CPA6: variants seen among roughly 807,000 people sequenced by gnomAD.
CPA6 encodes the protein carboxypeptidase A6.
A neutral mutation model predicts 63.3 loss-of-function variants in CPA6; 58 were observed. The observed-to-expected ratio is 0.92, with a 90% CI of 0.74 to 1.14. The LOEUF (loss-of-function observed/expected upper bound fraction) is 1.14. Ranked by LOEUF, CPA6 falls within the 50% of genes most tolerant of loss-of-function variation. CPA6 has a pLI of 0.00. For synonymous variants in CPA6, 185 were observed against 179.0 expected (o/e 1.03, Z -0.27); for missense variants, 565 against 526.6 (o/e 1.07, Z -0.71).
intron 8 of CPA6, among the ~76,000 whole-genome samples, chr8:67,470,612 A>G (rs1177872314): frequency 2.6e-5 from 4 of 152,156 alleles, no homozygotes; most frequent in African/African-American, 9.7e-5. Flanking sequence ...TGTGTGGACT[A>G]TTAACATTAT....
At chr8:67,449,269 G>A (rs1810502111) in intron 8 of CPA6, among the ~76,000 whole-genome samples, 1 of 152,102 alleles carries the variant, frequency 6.6e-6, no homozygotes, top group Non-Finnish European at 1.5e-5. Flanking sequence ...AAACAAAAGT[G>A]TAATGCATGT....
At chr8:67,597,111 G>A (rs954874964) in intron 2 of CPA6, among the ~76,000 whole-genome samples, 4 of 151,746 alleles carry the variant, frequency 2.6e-5, no homozygotes, top group Non-Finnish European at 4.4e-5. Context: ...TTGTGACTAC[G>A]CATTACTTCT....
At chr8:67,574,459 G>T (rs2128977045) in intron 2 of CPA6, among the ~76,000 whole-genome samples, 1 of 151,886 alleles carries the variant, frequency 6.6e-6, no homozygotes, top group South Asian at 2.1e-4. Flanking sequence ...AAAGCTAGAG[G>T]TATCACACCA....
intron 1 of CPA6, among the ~76,000 whole-genome samples, chr8:67,738,078 T>C (rs1001941891): frequency 1.3e-5 from 2 of 152,074 alleles, no homozygotes; most frequent in Non-Finnish European, 2.9e-5. Flanking sequence ...AACATCCATT[T>C]GGAGATATTG....
intron 2 of CPA6, among the ~76,000 whole-genome samples, chr8:67,616,763 T>C (rs1814964413): frequency 6.6e-6 from 1 of 152,120 alleles, no homozygotes; most frequent in Non-Finnish European, 1.5e-5. Context: ...TGTAAGTTTG[T>C]TCTCTCTCAC....
intron 8 of CPA6, among the ~76,000 whole-genome samples, chr8:67,469,868 C>T (rs1411697784): frequency 6.6e-6 from 1 of 151,938 alleles, no homozygotes; most frequent in Non-Finnish European, 1.5e-5. Flanking sequence ...TCTTTTTTTC[C>T]CCTTCCCTTC....
At chr8:67,617,994 A>T (rs548358926) in intron 2 of CPA6, among the ~76,000 whole-genome samples, 25 of 152,352 alleles carry the variant, frequency 1.6e-4, no homozygotes, top group African/African-American at 5.5e-4. Flanking sequence ...TGGAGGAAAC[A>T]TCGATTTTAA....
intron 3 of CPA6, among the ~76,000 whole-genome samples, chr8:67,512,502 C>G (rs746641214): frequency 5.3e-5 from 8 of 152,144 alleles, no homozygotes; most frequent in Non-Finnish European, 1.0e-4. Flanking sequence ...AGGCTGAGGC[C>G]AGGGCGGGGA....
intron 1 of CPA6, among the ~76,000 whole-genome samples, chr8:67,738,704 A>G (rs1313604824): frequency 6.6e-6 from 1 of 152,216 alleles, no homozygotes; most frequent in Non-Finnish European, 1.5e-5. Flanking sequence ...TCATAAAATA[A>G]TCTTTTAGGA....
chr8:67,670,532 A>C (rs1816320849), intron 1 of CPA6, among the ~76,000 whole-genome samples: 1 of 152,186 alleles, frequency 6.6e-6, no homozygotes, highest in Non-Finnish European at 1.5e-5. Flanking sequence ...GGTTATTTAC[A>C]GATTATATCA....
At chr8:67,698,226 T>C (rs1211280733) in intron 1 of CPA6, among the ~76,000 whole-genome samples, 1 of 152,208 alleles carries the variant, frequency 6.6e-6, no homozygotes, top group Admixed American at 6.5e-5. Context: ...GGGGTTCTTA[T>C]ACCTGACTGC....
intron 6 of CPA6, among the ~76,000 whole-genome samples, chr8:67,486,307 TC>T (rs1401120632): frequency 6.6e-6 from 1 of 152,248 alleles, no homozygotes; most frequent in Non-Finnish European, 1.5e-5. Flanking sequence ...CCACTGTGGT[TC>T]CACAAGATTA....
At chr8:67,711,069 G>A (rs537017643) in intron 1 of CPA6, among the ~76,000 whole-genome samples, 7 of 152,278 alleles carry the variant, frequency 4.6e-5, no homozygotes, top group African/African-American at 1.4e-4. Context: ...ACCTGGAACT[G>A]CATTCTTAGT....
chr8:67,546,317 T>C (rs1812817900), intron 2 of CPA6, among the ~76,000 whole-genome samples: 1 of 152,208 alleles, frequency 6.6e-6, no homozygotes, highest in Admixed American at 6.5e-5. Flanking sequence ...TATGAAATGA[T>C]TGTTTATTAA....
chr8:67,566,311 A>ATGG (rs1053831245), intron 2 of CPA6, among the ~76,000 whole-genome samples: 15 of 152,166 alleles, frequency 9.9e-5, no homozygotes. Flanking sequence ...TTGCACTGGG[A>ATGG]TGGGCATCTC....
intron 2 of CPA6, among the ~76,000 whole-genome samples, chr8:67,584,366 G>A (rs937862544): frequency 1.7e-4 from 26 of 152,236 alleles, no homozygotes; most frequent in African/African-American, 5.8e-4. Flanking sequence ...CATCACTGAG[G>A]CTGTGGATGA....
intron 2 of CPA6, among the ~76,000 whole-genome samples, chr8:67,537,574 T>C (rs998534605): frequency 6.6e-6 from 1 of 152,178 alleles, no homozygotes; most frequent in African/African-American, 2.4e-5. Context: ...ATCTATTTGA[T>C]TCTTCTCTTT....
chr8:67,431,114 TGGG>T, intron 9 of CPA6, among the ~76,000 whole-genome samples: 2 of 152,194 alleles, frequency 1.3e-5, no homozygotes. Flanking sequence ...TCCTCCAGCC[TGGG>T]CCTCCCAAAG....
intron 1 of CPA6, among the ~76,000 whole-genome samples, chr8:67,680,669 T>A (rs142150495): frequency 2.6e-5 from 4 of 152,294 alleles, no homozygotes; most frequent in African/African-American, 9.6e-5. Context: ...AATCTTCATC[T>A]GTCTGCTAGA....
Sources: allele counts gnomAD v4.1 joint callset (sites outside exome capture counted in the v4.1 genomes callset), GRCh38; gene constraint gnomAD v4.1.1; transcripts MANE v1.5; gene names NCBI Gene and HGNC (gene_info 2026-07-23, HGNC 2026-07-21).